The following FAM13A variants were observed in gnomAD, a reference collection of about 807,000 sequenced individuals.
The protein encoded by FAM13A is family with sequence similarity 13 member A.
FAM13A carries 76 observed loss-of-function variants against 129.6 expected under a neutral mutation model. That is an observed-to-expected ratio of 0.59 (90% CI 0.49 to 0.71). FAM13A has a LOEUF of 0.71. Ranked by LOEUF, FAM13A falls within the 30% of genes least tolerant of loss-of-function variation. The probability of loss-of-function intolerance (pLI) is 0.00; values close to 1 mark genes in which losing one functional copy is unlikely to be tolerated. For missense variants in FAM13A, 1,108 were observed against 1,249.3 expected, an observed-to-expected ratio of 0.89 and a Z score of 1.70; for synonymous variants, 443 against 449.9, an observed-to-expected ratio of 0.98 and a Z score of 0.20.
chr4:88,816,511 G>A (rs1730763412), intron 7 of FAM13A, among the ~76,000 whole-genome samples: 1 of 152,134 alleles, frequency 6.6e-6, no homozygotes, highest in Non-Finnish European at 1.5e-5. Context: ...AACAACTTAA[G>A]CTGCCCTGTC....
intron 7 of FAM13A, among the ~76,000 whole-genome samples, chr4:88,834,985 A>G (rs941214607): frequency 6.6e-6 from 1 of 151,234 alleles, no homozygotes; most frequent in African/African-American, 2.4e-5. Context: ...AATTTTACTT[A>G]TTTTGGTCTT....
intron 6 of FAM13A, among the ~76,000 whole-genome samples, chr4:88,895,562 C>T (rs1746144037): frequency 6.7e-6 from 1 of 149,534 alleles, no homozygotes; most frequent in Admixed American, 6.7e-5. Context: ...TGAACTCAAA[C>T]AAATTTACAA....
chr4:88,976,755 A>G (rs1465150969), intron 4 of FAM13A, among the ~76,000 whole-genome samples: 2 of 152,038 alleles, frequency 1.3e-5, no homozygotes, highest in Admixed American at 6.5e-5. Context: ...CAGTCCTACA[A>G]GTTCCATTCA....
intron 3 of FAM13A, among the ~76,000 whole-genome samples, chr4:89,000,275 C>T (rs757889930): frequency 6.6e-6 from 1 of 151,980 alleles, no homozygotes; most frequent in Admixed American, 6.6e-5. Context: ...TGGAAATAAC[C>T]CAAATTTCCA....
intron 1 of FAM13A, among the ~76,000 whole-genome samples, chr4:89,041,911 C>T (rs1770189236): frequency 6.6e-6 from 1 of 151,616 alleles, no homozygotes; most frequent in Non-Finnish European, 1.5e-5. Flanking sequence ...CAGAGCAAGA[C>T]TCTGCCTCAA....
intron 6 of FAM13A, among the ~76,000 whole-genome samples, chr4:88,901,791 CA>C (rs915387703): frequency 1.3e-5 from 2 of 151,462 alleles, no homozygotes; most frequent in Admixed American, 6.6e-5. Context: ...AAAAACCCTT[CA>C]AAAAAAATCA....
chr4:88,890,311 G>A (rs960087033), intron 6 of FAM13A, among the ~76,000 whole-genome samples: 6 of 152,164 alleles, frequency 3.9e-5, no homozygotes, highest in Admixed American at 2.6e-4. Flanking sequence ...TCCAGGGCAG[G>A]TCAGGTATCT....
At chr4:88,765,627 G>A (rs1745590505) in intron 13 of FAM13A, among the ~76,000 whole-genome samples, 1 of 152,178 alleles carries the variant, frequency 6.6e-6, no homozygotes, top group Non-Finnish European at 1.5e-5. Flanking sequence ...ATGGAAAACA[G>A]TTCTTTTCAC....
intron 7 of FAM13A, among the ~76,000 whole-genome samples, chr4:88,837,005 C>CT (rs1734931513): frequency 6.6e-6 from 1 of 151,646 alleles, no homozygotes; most frequent in African/African-American, 2.4e-5. Context: ...TTTTATTTTA[C>CT]TTTTTTGAAA....
At chr4:89,025,355 C>T (rs1035658543) in intron 2 of FAM13A, among the ~76,000 whole-genome samples, 2 of 147,576 alleles carry the variant, frequency 1.4e-5, no homozygotes, top group Non-Finnish European at 3.0e-5. Context: ...AGCTCCGCTT[C>T]CCGGGTTCAC....
chr4:88,938,045 C>T (rs762031643), intron 5 of FAM13A, 43 bp downstream of exon 5: 2 of 1,510,634 alleles, frequency 1.3e-6, no homozygotes, highest in East Asian at 4.5e-5. Flanking sequence ...ATCTTCTGTC[C>T]AAAATTATAG....
intron 7 of FAM13A, among the ~76,000 whole-genome samples, chr4:88,821,651 A>G (rs1374595450): frequency 6.6e-6 from 1 of 152,152 alleles, no homozygotes; most frequent in African/African-American, 2.4e-5. Context: ...TTATAAGGGG[A>G]AAAATGTCTC....
At chr4:88,801,692 T>C (rs1324086957) in intron 8 of FAM13A, among the ~76,000 whole-genome samples, 2 of 152,154 alleles carry the variant, frequency 1.3e-5, no homozygotes, top group African/African-American at 4.8e-5. Flanking sequence ...TAAAGCACAT[T>C]AAACACAGGT....
rs142553324 is a variant in FAM13A at position 88,848,994 on chromosome 4, C to T, written c.1007+2026G>A. Among the ~76,000 whole-genome samples, 1,498 of 152,260 alleles carry T rather than the reference C, an allele frequency of 9.8e-3. 27 individuals carry two copies. The highest frequency in any genetic ancestry group is 0.034 in the African/African-American group (1,403 of 41,540). Reference sequence around the variant, plus strand: ...CAGGGGCACCCTTATCTCTATTTCCCTGCCTGATAAACTCATATGTGTTTT... The same window carrying T: ...CAGGGGCACCCTTATCTCTATTTCCTTGCCTGATAAACTCATATGTGTTTT... On this transcript the variant is annotated intron_variant, in intron 7 of 23. Coordinates refer to ENST00000264344, the MANE Select transcript of FAM13A (RefSeq NM_014883.4).
intron 3 of FAM13A, among the ~76,000 whole-genome samples, chr4:88,995,199 A>G (rs1314911953): frequency 6.6e-6 from 1 of 150,512 alleles, no homozygotes; most frequent in Non-Finnish European, 1.5e-5. Context: ...TACAAACAGT[A>G]TATTTGTTTA....
At chr4:88,972,621 G>C (rs533433939) in intron 4 of FAM13A, among the ~76,000 whole-genome samples, 3 of 150,522 alleles carry the variant, frequency 2.0e-5, no homozygotes, top group Admixed American at 1.3e-4. Context: ...TTTTTTTTGG[G>C]GGGGAGAACA....
chr4:88,949,028 T>C (rs143372614), intron 4 of FAM13A, among the ~76,000 whole-genome samples: 12 of 152,344 alleles, frequency 7.9e-5, no homozygotes, highest in Middle Eastern at 3.4e-3. Context: ...CTAGACATTC[T>C]TTCTACCTAC....
In FAM13A at chr4:89,029,489, C is replaced by T. The variant is rs765630677; in HGVS notation, c.188G>A (p.Trp63Ter). Residue 63 changes from tryptophan to a stop codon, truncating the protein, a stop_gained, in exon 2 of 24, where the codon TGG becomes TAG. Coordinates refer to ENST00000264344, the MANE Select transcript of FAM13A (RefSeq NM_014883.4). LOFTEE classifies it high-confidence loss of function. ...CTGCGTCAAATATTCCACTATATTC[C>T]ACACTACTGCTGGAATGCCATTCTC... ...LTENGIPAVV[W>*]NIVEYLTQHG... 1.3e-6 allele frequency: 2 copies of T among 1,597,758 alleles called. No individual in the cohort carries two copies. Among genetic ancestry groups the T allele is most frequent in the South Asian group, 2.3e-5 (2 of 88,122 alleles).
At chr4:88,991,187 T>C (rs751929081) in intron 3 of FAM13A, 37 bp from the exon 4 acceptor site, 8 of 1,520,210 alleles carry the variant, frequency 5.3e-6, no homozygotes, top group Admixed American at 1.9e-5. Flanking sequence ...CTAAGGTATA[T>C]TTCACAGTAA....
Sources: allele counts gnomAD v4.1 joint callset (sites outside exome capture counted in the v4.1 genomes callset), GRCh38; gene constraint gnomAD v4.1.1; transcripts MANE v1.5; gene names NCBI Gene and HGNC (gene_info 2026-07-23, HGNC 2026-07-21).